CR2: variants seen among roughly 807,000 people sequenced by gnomAD.
CR2 encodes the protein complement C3d receptor 2, also known as complement receptor type 2.
CR2 carries 96 observed loss-of-function variants against 123.0 expected under a neutral mutation model. The observed-to-expected ratio is 0.78, with a 90% confidence interval of 0.66 to 0.93. The LOEUF (loss-of-function observed/expected upper bound fraction) is 0.93, where lower values mean the gene tolerates loss of function less well. Among genes scored for constraint, CR2 ranks in the 40% least tolerant of loss-of-function variants. The pLI, the probability that CR2 is intolerant of heterozygous loss-of-function variation, is 0.00. For missense variants in CR2, 1,258 were observed against 1,361.0 expected (o/e 0.92, Z 1.19); for synonymous variants, 484 against 469.5 (o/e 1.03, Z -0.40).
At chr1:207,465,154 T>C (rs1157617395) in intron 1 of CR2, among the ~76,000 whole-genome samples, 1 of 152,182 alleles carries the variant, frequency 6.6e-6, no homozygotes, top group African/African-American at 2.4e-5. Context: ...GGTCTTGAAC[T>C]CCTGACCTCA....
Position 207,473,813 on chromosome 1 carries a change from A to G in CR2, c.2168A>G (p.His723Arg), listed in dbSNP as rs762638244. 16 of 1,613,894 alleles carry G rather than the reference A, an allele frequency of 9.9e-6. No individual in the cohort carries two copies. Among genetic ancestry groups the G allele is most frequent in the Admixed American group, 1.7e-5 (1 of 59,976 alleles). Residue 723 changes from histidine (H) to arginine (R), a missense_variant, in exon 12 of 20, where the codon CAT (histidine) becomes CGT (arginine). By Grantham distance (29) the His-to-Arg change is conservative. Coordinates refer to ENST00000367057, the MANE Select transcript of CR2 (RefSeq NM_001006658.3). ...CTTGCTTCTCCAGAAACATGCCAGC[A>G]TGTGAGACAGAGTCTTCAAGAACTT... ...SAPRCEETCQ[H>R]VRQSLQELPA...
intron 1 of CR2, among the ~76,000 whole-genome samples, chr1:207,458,075 C>CACACACACACATACACACACACACAT (rs1558186093): frequency 1.3e-5 from 2 of 150,236 alleles, no homozygotes; most frequent in African/African-American, 4.9e-5. Context: ...CACACACACA[C>CACACACACACATACACACACACACAT]ACACACACAC....
chr1:207,483,471 TG>T (rs1353881250), intron 18 of CR2, among the ~76,000 whole-genome samples: 1 of 152,102 alleles, frequency 6.6e-6, no homozygotes, highest in East Asian at 1.9e-4. Context: ...TACCAGAGTG[TG>T]TACCACACAA....
At position 207,486,653 on chromosome 1, in the gene CR2, G is replaced by T. The variant is rs536817670; in HGVS notation, c.*18+1081G>T. 2.6e-5 allele frequency among the ~76,000 whole-genome samples: 4 copies of T among 152,292 alleles called. No homozygotes were observed. The East Asian group carries it at 7.7e-4, about 29-fold the overall frequency. On this transcript the variant is annotated intron_variant, in intron 19 of 19. Transcript: ENST00000367057. ...GCTGCAATCATCCAGGCAAGAAATT[G>T]TCAGTGGCTACCACCAGGTTGTAAG... is the stretch of plus-strand genomic sequence containing the variant.
At chr1:207,457,131 C>T (rs1475125954) in intron 1 of CR2, among the ~76,000 whole-genome samples, 1 of 152,198 alleles carries the variant, frequency 6.6e-6, no homozygotes, top group African/African-American at 2.4e-5. Flanking sequence ...TGTTTGTTCC[C>T]TCACTGGAAT....
chr1:207,468,617 T>C lies in CR2; in HGVS notation c.536T>C (p.Val179Ala), dbSNP rs780591393. ...NVGSIAPGLS[V>A]TYSCESGYLL... ...GGCTCCATTGCTCCAGGATTGTCTGTGACTTACAGCTGTGAATCTGGTTAC... is the reference window on the plus strand; with the variant it reads ...GGCTCCATTGCTCCAGGATTGTCTGCGACTTACAGCTGTGAATCTGGTTAC... The change falls in exon 3 of 20, where the codon GTG becomes GCG. Residue 179 changes from valine (V) to alanine (A), a missense_variant. By Grantham distance (64) the Val-to-Ala change is moderately conservative. Coordinates refer to ENST00000367057, the MANE Select transcript of CR2 (RefSeq NM_001006658.3). 24 of 1,614,110 alleles carry C rather than the reference T, an allele frequency of 1.5e-5. No homozygotes were observed. Among genetic ancestry groups the C allele is most frequent in the Non-Finnish European group, 2.0e-5 (24 of 1,179,980 alleles).
At chr1:207,457,339 G>T (rs1410102036) in intron 1 of CR2, among the ~76,000 whole-genome samples, 1 of 152,124 alleles carries the variant, frequency 6.6e-6, no homozygotes, top group African/African-American at 2.4e-5. Context: ...ATACCCTCTT[G>T]CCTTTGCAAG....
intron 14 of CR2, among the ~76,000 whole-genome samples, chr1:207,475,717 T>G (rs533903681): frequency 6.6e-6 from 1 of 152,320 alleles, no homozygotes; most frequent in African/African-American, 2.4e-5. Flanking sequence ...GCAACGGTTG[T>G]CTTTGACCAG....
chr1:207,483,156 C>T (rs1241160633), intron 18 of CR2, among the ~76,000 whole-genome samples: 1 of 152,092 alleles, frequency 6.6e-6, no homozygotes, highest in Admixed American at 6.6e-5. Flanking sequence ...TCAGGTAGCT[C>T]CGAGTGGGGA....
intron 18 of CR2, among the ~76,000 whole-genome samples, chr1:207,482,518 G>A (rs1201564435): frequency 6.6e-6 from 1 of 152,068 alleles, no homozygotes; most frequent in African/African-American, 2.4e-5. Flanking sequence ...TACAACAATG[G>A]CTGAGTGCCT....
Position 207,476,291 on chromosome 1 carries a change from A to G in CR2, c.2774A>G (p.Asn925Ser). The G allele has an allele frequency of 6.2e-7, 1 of 1,613,956 alleles. No homozygotes were observed. Residue 925 changes from asparagine (N) to serine (S), a missense_variant, in exon 15 of 20, where the codon AAC becomes AGC. By Grantham distance (46) the Asn-to-Ser change is conservative. Coordinates refer to ENST00000367057, the MANE Select transcript of CR2 (RefSeq NM_001006658.3). ...CCTAACGGGAACCATACTGGTGGAA[A>G]CATAGCTCGATTTTCTCCTGGAATG... ...KTPNGNHTGG[N>S]IARFSPGMSI...
Position 207,477,153 on chromosome 1 carries a change from T to G in CR2, c.2903-732T>G, listed in dbSNP as rs150797291. On this transcript the variant is annotated intron_variant, in intron 15 of 19. Transcript: ENST00000367057. ...AAAGACATATCTGAAACTGGGTAATTTATAAAGGAAAGAGATTTAATGGAC... is the reference window on the plus strand; with the variant it reads ...AAAGACATATCTGAAACTGGGTAATGTATAAAGGAAAGAGATTTAATGGAC... Among the ~76,000 whole-genome samples the G allele has an allele frequency of 7.6e-3, 1,161 of 152,320 alleles. 13 individuals are homozygous for G. The highest frequency in any genetic ancestry group is 0.027 in the African/African-American group (1,108 of 41,578).
chr1:207,479,866 A>T (rs1474280804), intron 17 of CR2, 112 bp from the exon 18 acceptor site: 3 of 780,860 alleles, frequency 3.8e-6, no homozygotes, highest in African/African-American at 1.7e-5. Context: ...AGAAGAGTTA[A>T]GTATGAGTCA....
In CR2 at chr1:207,475,057, A is replaced by T. The variant is rs751972650; in HGVS notation, c.2557A>T (p.Lys853Ter). Residue 853 changes from lysine to a stop codon, truncating the protein, a stop_gained, in exon 14 of 20, where the codon AAA becomes TAA. Transcript: ENST00000367057. LOFTEE classifies it high-confidence loss of function. The part of the protein sequence containing the change: ...PVTRCPNPEV[K>*]HGYKLNKTHS... ...GACTCGCTGCCCTAATCCAGAAGTC[A>T]AACATGGGTACAAGCTCAATAAAAC... The T allele has an allele frequency of 1.2e-6, 2 of 1,613,708 alleles. No individual in the cohort carries two copies. The highest frequency in any genetic ancestry group is 3.3e-5 in the Admixed American group (2 of 59,982).
chr1:207,468,263 C>T (rs1247858392), intron 2 of CR2: 4 of 504,396 alleles, frequency 7.9e-6, no homozygotes, highest in East Asian at 3.7e-5. Context: ...ACTCGCTACC[C>T]GTGGACAGCA....
intron 1 of CR2, among the ~76,000 whole-genome samples, chr1:207,457,754 T>C (rs1657868870): frequency 6.6e-6 from 1 of 152,182 alleles, no homozygotes; most frequent in African/African-American, 2.4e-5. Context: ...TTACCTGTTT[T>C]TTCCATACTT....
rs374531845 is a variant in CR2 at position 207,470,711 on chromosome 1, TTA to T, written c.1226-27_1226-26del. On this transcript the variant is annotated intron_variant, in intron 6 of 19. Coordinates refer to ENST00000367057, the MANE Select transcript of CR2 (RefSeq NM_001006658.3). ...TTTCTGTGGTTGTTTACTTAAGCAG[TTA>T]TGTTTTGTTTTTGTCCTTTCATTTA... is the stretch of plus-strand genomic sequence containing the variant. 2,122 of 1,609,038 alleles carry T rather than the reference TTA, an allele frequency of 1.3e-3. 14 individuals are homozygous for T. In the African/African-American group the frequency reaches 0.017, roughly 13 times the overall value.
In CR2 at chr1:207,474,186, T is replaced by A; in HGVS notation, c.2241-55T>A. The A allele has an allele frequency of 3.6e-6, 5 of 1,371,786 alleles. No individual in the cohort carries two copies. The South Asian group carries it at 5.8e-5, about 16-fold the overall frequency. 85.0% of individuals were successfully genotyped at this position (1,371,786 alleles called of 1,614,324 possible). ...TTAGAAGTCCCTTTTTGCATGCAGT[T>A]TGAAGAGATATGATATTGGGAACAG... On this transcript the variant is annotated intron_variant, in intron 12 of 19. Transcript: ENST00000367057.
chr1:207,484,025 GA>G (rs1658679515), intron 18 of CR2, among the ~76,000 whole-genome samples: 1 of 152,128 alleles, frequency 6.6e-6, no homozygotes, highest in Admixed American at 6.6e-5. Flanking sequence ...AAAAATTAGG[GA>G]TGTCATTTGC....
Sources: gnomAD v4.1 joint callset for allele counts (sites outside exome capture counted in the v4.1 genomes callset) on GRCh38, gnomAD v4.1.1 for gene constraint, MANE v1.5 for transcripts, NCBI Gene and HGNC (gene_info 2026-07-23, HGNC 2026-07-21) for gene names.